Variants in OR7D4 observed in about 807,000 individuals in gnomAD.
OR7D4 encodes olfactory receptor 7D4.
For missense variants in OR7D4, 319 were observed against 377.1 expected, an observed-to-expected ratio of 0.85 and a Z score of 1.27; for synonymous variants, 154 against 158.4, an observed-to-expected ratio of 0.97 and a Z score of 0.21.
At chr19:9,217,535 G>GGTTTGTTT (rs530816848) in intron 1 of OR7D4, among the ~76,000 whole-genome samples, 2 of 151,822 alleles carry the variant, frequency 1.3e-5, no homozygotes, top group Admixed American at 6.6e-5. Flanking sequence ...ATGGATCATT[G>GGTTTGTTT]GTTTGTTTGT....
intron 1 of OR7D4, among the ~76,000 whole-genome samples, chr19:9,215,993 C>T (rs549085485): frequency 6.6e-6 from 1 of 152,120 alleles, no homozygotes; most frequent in South Asian, 2.1e-4. Context: ...CAAGGAGGAG[C>T]AAGTCACATC....
Position 9,214,718 on chromosome 19 carries a change from C to T in OR7D4, c.120G>A (p.Leu40=). The T allele has an allele frequency of 3.7e-6, 6 of 1,614,068 alleles. No individual in the cohort carries two copies. The highest frequency in any genetic ancestry group is 5.1e-6 in the Non-Finnish European group (6 of 1,179,984). Reference sequence around the variant, plus strand: ...CGGCCAGAATGATGAGCAGGTTCCCCAGCACCGTGACCAGGTACATGGACA... The same window carrying T: ...CGGCCAGAATGATGAGCAGGTTCCCTAGCACCGTGACCAGGTACATGGACA... ...LFLSMYLVTV[L]GNLLIILAVS... The change falls in exon 2 of 2, where the codon CTG becomes CTA. Residue 40 remains leucine, a synonymous_variant. Transcript: ENST00000641669.
In OR7D4 at chr19:9,214,318, T is replaced by A. The variant is rs1427265835; in HGVS notation, c.520A>T (p.Ile174Phe). The change falls in exon 2 of 2, where the codon ATT (isoleucine) becomes TTT (phenylalanine). Residue 174 changes from isoleucine (I) to phenylalanine (F), a missense_variant. Transcript: ENST00000641669. ...KRLTFSTGTEIPHFFCEPAQV... is the reference protein window; with the variant it reads ...KRLTFSTGTEFPHFFCEPAQV... ...GCCGGTTCACAGAAGAAATGCGGAA[T>A]CTCAGTGCCTGTGGAGAAGGTCAAC... The A allele has an allele frequency of 1.2e-6, 2 of 1,613,964 alleles. No homozygotes were observed. Among genetic ancestry groups the A allele is most frequent in the Admixed American group, 1.7e-5 (1 of 59,976 alleles).
chr19:9,213,873 C>T lies in OR7D4; in HGVS notation c.*26G>A, dbSNP rs777731646. On this transcript the variant is annotated 3_prime_UTR_variant, in exon 2 of 2. Transcript: ENST00000641669. ...TTTGCCTTAGGGGTACGCAGTGTGT[C>T]CTCTTAGTTCTGAGGCCCTGATTTG... is the stretch of plus-strand genomic sequence containing the variant. 1 of 1,543,402 alleles carries T rather than the reference C, an allele frequency of 6.5e-7. No homozygotes were observed. The highest frequency in any genetic ancestry group is 1.4e-5 in the African/African-American group (1 of 73,320).
intron 1 of OR7D4, among the ~76,000 whole-genome samples, chr19:9,217,626 C>T (rs2146013797): frequency 6.6e-6 from 1 of 152,224 alleles, no homozygotes; most frequent in African/African-American, 2.4e-5. Flanking sequence ...GCAACCTCTG[C>T]CTCCCAGGTT....
chr19:9,216,034 A>G (rs1448443756), intron 1 of OR7D4, among the ~76,000 whole-genome samples: 1 of 152,154 alleles, frequency 6.6e-6, no homozygotes, highest in Non-Finnish European at 1.5e-5. Context: ...AAAGAGAGAA[A>G]GCTTGTGCAA....
At chr19:9,218,650 GA>G (rs974031679) in intron 1 of OR7D4, among the ~76,000 whole-genome samples, 25 of 151,850 alleles carry the variant, frequency 1.6e-4, no homozygotes, top group African/African-American at 6.0e-4. Flanking sequence ...TTTTGGGGGG[GA>G]CATGGTGTCA....
rs769088391 is a variant in OR7D4, at chr19:9,214,334, G to A, written c.504C>T (p.Phe168=). 6.2e-6 allele frequency: 10 copies of A among 1,614,040 alleles called. No homozygotes were observed. The highest frequency in any genetic ancestry group is 7.6e-6 in the Non-Finnish European group (9 of 1,180,030). The change falls in exon 2 of 2, where the codon TTC becomes TTT. Residue 168 remains phenylalanine (F), a synonymous_variant. Transcript: ENST00000641669. ...VHILLMKRLT[F]STGTEIPHFF... ...AATGCGGAATCTCAGTGCCTGTGGAGAAGGTCAACCTCTTCATCAGTAGAA... is the reference window on the plus strand; with the variant it reads ...AATGCGGAATCTCAGTGCCTGTGGAAAAGGTCAACCTCTTCATCAGTAGAA...
chr19:9,214,631 A>C lies in OR7D4; in HGVS notation c.207T>G (p.Val69=), dbSNP rs545664929. ...MYFFLSNLSF[V]DICFISTTVP... ...CTGTGGTGGAGATGAAACAGATGTC[A>C]ACAAAGGACAGGTTGGAGAGGAAGA... The change falls in exon 2 of 2, where the codon GTT becomes GTG. Residue 69 remains valine, a synonymous_variant. Coordinates refer to ENST00000641669, the MANE Select transcript of OR7D4 (RefSeq NM_001005191.3). The C allele has an allele frequency of 1.2e-5, 20 of 1,614,172 alleles. No homozygotes were observed. The South Asian group carries it at 1.6e-4, about 13-fold the overall frequency.
intron 1 of OR7D4, among the ~76,000 whole-genome samples, chr19:9,217,489 C>T (rs967525344): frequency 2.0e-5 from 3 of 152,098 alleles, no homozygotes; most frequent in Non-Finnish European, 2.9e-5. Flanking sequence ...GAAGAGGCTT[C>T]TCTGAGATAG....
intron 1 of OR7D4, among the ~76,000 whole-genome samples, chr19:9,217,071 C>A (rs1213279071): frequency 1.3e-5 from 2 of 152,202 alleles, no homozygotes; most frequent in African/African-American, 4.8e-5. Context: ...GATCCCTATG[C>A]TTCCCTGCTT....
In OR7D4 at chr19:9,217,041, C is replaced by T. The variant is rs560404174; in HGVS notation, c.-14+2159G>A. ...TCTGTTACGTCTTGTGACCACCACA[C>T]AGGACTCTCAACTCATGAAGATCCC... On this transcript the variant is annotated intron_variant, in intron 1 of 1. Coordinates refer to ENST00000641669, the MANE Select transcript of OR7D4 (RefSeq NM_001005191.3). 4.6e-5 allele frequency among the ~76,000 whole-genome samples: 7 copies of T among 152,318 alleles called. No individual in the cohort carries two copies. The South Asian group carries it at 1.5e-3, about 32-fold the overall frequency.
At chr19:9,216,206 A>G (rs2051209950) in intron 1 of OR7D4, among the ~76,000 whole-genome samples, 1 of 152,154 alleles carries the variant, frequency 6.6e-6, no homozygotes, top group African/African-American at 2.4e-5. Flanking sequence ...TGCACCCCAC[A>G]GTCATCATGA....
intron 1 of OR7D4, among the ~76,000 whole-genome samples, chr19:9,217,787 C>T (rs1172100949): frequency 6.6e-6 from 1 of 152,144 alleles, no homozygotes; most frequent in Non-Finnish European, 1.5e-5. Flanking sequence ...GATCTGCCCA[C>T]CTCGGCCTCC....
rs759744661 is a variant in OR7D4, at chr19:9,214,662, A to G, written c.176T>C (p.Met59Thr). Residue 59 changes from methionine to threonine, a missense_variant, in exon 2 of 2, where the codon ATG (methionine) becomes ACG (threonine). Met to Thr is a moderately conservative substitution (Grantham distance 81). Transcript: ENST00000641669. ...GGACAGGTTGGAGAGGAAGAAGTAC[A>G]TGGGGGTGTGGAGGTGGGAGTCAGA... ...VSSDSHLHTPMYFFLSNLSFV... is the reference protein window; with the variant it reads ...VSSDSHLHTPTYFFLSNLSFV... 1.2e-6 allele frequency: 2 copies of G among 1,614,162 alleles called. No individual in the cohort carries two copies. The highest frequency in any genetic ancestry group is 1.3e-5 in the African/African-American group (1 of 75,052).
chr19:9,216,614 CAG>C (rs1454147661), intron 1 of OR7D4, among the ~76,000 whole-genome samples: 1 of 151,588 alleles, frequency 6.6e-6, no homozygotes, highest in African/African-American at 2.4e-5. Flanking sequence ...TTTTTTGAGA[CAG>C]AGTCTCACTC....
At chr19:9,215,008 T>G in intron 1 of OR7D4, 158 bp from the exon 2 acceptor site, 1 of 589,028 alleles carries the variant, frequency 1.7e-6, no homozygotes, top group Non-Finnish European at 3.0e-6. Flanking sequence ...CTATTTTTAT[T>G]CTATTTGTGT....
chr19:9,216,277 T>C (rs2051210474), intron 1 of OR7D4, among the ~76,000 whole-genome samples: 1 of 152,228 alleles, frequency 6.6e-6, no homozygotes, highest in Non-Finnish European at 1.5e-5. Context: ...TGGGTCTCCC[T>C]GGTTCATGTT....
rs1175702060 is a variant in OR7D4, at chr19:9,210,352, A to G, written c.*3547T>C. 6.6e-6 allele frequency: 1 copy of G among 152,250 alleles called. No individual in the cohort carries two copies. The highest frequency in any genetic ancestry group is 1.5e-5 in the Non-Finnish European group (1 of 68,136). 9.4% of individuals were successfully genotyped at this position (152,250 alleles called of 1,614,324 possible). A position where few individuals can be genotyped will look rare whatever the true frequency, so the allele number is the denominator to read the frequency against. On this transcript the variant is annotated 3_prime_UTR_variant, in exon 2 of 2. Transcript: ENST00000641669. ...CTGGGCATGGTGGTCTGTACCTACA[A>G]TCTCACCACTTTGGGAGGCTGAAGC...
Sources: gnomAD v4.1 joint callset for allele counts (sites outside exome capture counted in the v4.1 genomes callset) on GRCh38, gnomAD v4.1.1 for gene constraint, MANE v1.5 for transcripts, NCBI Gene and HGNC (gene_info 2026-07-23, HGNC 2026-07-21) for gene names.